UGT1A7: variants seen among roughly 807,000 people sequenced by gnomAD.
UGT1A7 encodes the protein UDP-glucuronosyltransferase 1A7.
UGT1A7 carries 33 observed loss-of-function variants against 45.6 expected under a neutral mutation model. The ratio of observed to expected loss-of-function variants is 0.72; its 90% CI spans 0.55 to 0.97. The LOEUF (loss-of-function observed/expected upper bound fraction) is 0.97, where lower values mean the gene tolerates loss of function less well. Among genes scored for constraint, UGT1A7 ranks in the 50% least tolerant of loss-of-function variants. The pLI, the probability that UGT1A7 is intolerant of heterozygous loss-of-function variation, is 0.00. For synonymous variants in UGT1A7, 274 were observed against 250.6 expected, an observed-to-expected ratio of 1.09 and a Z score of -0.88; for missense variants, 684 against 666.2, an observed-to-expected ratio of 1.03 and a Z score of -0.29.
chr2:233,708,992 T>C (rs1297218412), intron 1 of UGT1A7, among the ~76,000 whole-genome samples: 1 of 152,200 alleles, frequency 6.6e-6, no homozygotes, highest in African/African-American at 2.4e-5. Context: ...GGCCGTGGCA[T>C]CCTTCTCAGT....
chr2:233,768,508 A>G (rs1699630858), intron 4 of UGT1A7, 69 bp downstream of exon 4: 1 of 1,557,694 alleles, frequency 6.4e-7, no homozygotes, highest in South Asian at 1.2e-5. Flanking sequence ...AAATATGAAA[A>G]CATTTACGTA....
chr2:233,764,521 T>A (rs2126010678), intron 1 of UGT1A7, among the ~76,000 whole-genome samples: 1 of 152,314 alleles, frequency 6.6e-6, no homozygotes, highest in African/African-American at 2.4e-5. Context: ...GTGAATCACA[T>A]CCTGCTGATT....
At chr2:233,722,845 C>CTT (rs61550889) in intron 1 of UGT1A7, among the ~76,000 whole-genome samples, 2,212 of 135,308 alleles carry the variant, frequency 0.016, 155 homozygotes, top group African/African-American at 0.055. Context: ...AAGAATGTTT[C>CTT]TTTTTTTTTT....
At position 233,747,493 on chromosome 2, in the gene UGT1A7, T is replaced by G; in HGVS notation, c.856-19541T>G. 3.1e-6 allele frequency: 5 copies of G among 1,608,784 alleles called. No individual in the cohort carries two copies. In the South Asian group the frequency reaches 3.3e-5, roughly 11 times the overall value. The stretch of plus-strand genomic sequence containing the variant: ...CAGGATGAATTTGATCGCCTTGTGC[T>G]GGGCCACACTCAACTGTACTTTGAA... On this transcript the variant is annotated intron_variant, in intron 1 of 4. Coordinates refer to ENST00000373426, the MANE Select transcript of UGT1A7 (RefSeq NM_019077.3).
At chr2:233,704,256 CT>C (rs59925871) in intron 1 of UGT1A7, among the ~76,000 whole-genome samples, 3,570 of 123,594 alleles carry the variant, frequency 0.029, 58 homozygotes, top group South Asian at 0.052. Context: ...GCCTTTATTG[CT>C]TTTTTTTTTT....
At chr2:233,730,117 G>A (rs1389135246) in intron 1 of UGT1A7, 17 of 1,556,656 alleles carry the variant, frequency 1.1e-5, no homozygotes, top group Non-Finnish European at 1.5e-5. Context: ...GCTTCTCCTT[G>A]TCATAATAGC....
At chr2:233,733,540 G>A (rs1459592747) in intron 1 of UGT1A7, among the ~76,000 whole-genome samples, 2 of 152,164 alleles carry the variant, frequency 1.3e-5, no homozygotes, top group Non-Finnish European at 2.9e-5. Flanking sequence ...TTTGTTGAAG[G>A]CCTTTTCTGC....
In UGT1A7 at chr2:233,769,485, G is replaced by A; in HGVS notation, c.1295+1046G>A. On this transcript the variant is annotated intron_variant, in intron 4 of 4. Coordinates refer to ENST00000373426, the MANE Select transcript of UGT1A7 (RefSeq NM_019077.3). This position sits in a 1 kb window ranked among gnomAD's most constrained non-coding sequence, Gnocchi z 4.4. ...TATGCGTGTGTGTGTGTGTGCGTGTGTTTATGAGAGTGTCCATTGCTTTCT... is the reference window on the plus strand; with the variant it reads ...TATGCGTGTGTGTGTGTGTGCGTGTATTTATGAGAGTGTCCATTGCTTTCT... 6.2e-7 allele frequency: 1 copy of A among 1,612,612 alleles called. No individual in the cohort carries two copies. Among genetic ancestry groups the A allele is most frequent in the Non-Finnish European group, 8.5e-7 (1 of 1,179,716 alleles).
chr2:233,725,261 AGAG>A lies in UGT1A7; in HGVS notation c.856-41768_856-41766del, dbSNP rs754749858. 7.0e-4 allele frequency among the ~76,000 whole-genome samples: 22 copies of A among 31,252 alleles called. 3 individuals carry two copies. The highest frequency in any genetic ancestry group is 4.3e-3 in the African/African-American group (20 of 4,634). The allele number at this position is 31,252 out of a possible 152,430, so 20.5% of individuals were successfully genotyped here. A position where few individuals can be genotyped will look rare whatever the true frequency, so the allele number is the denominator to read the frequency against. ...AGGCAGAGGCAGAGGAGGCAGAGGC[AGAG>A]GAGGCAGAGGCAGAGGCAGAGGCAG... On this transcript the variant is annotated intron_variant, in intron 1 of 4. Transcript: ENST00000373426.
At chr2:233,713,978 A>G in intron 1 of UGT1A7, 1 of 1,594,024 alleles carries the variant, frequency 6.3e-7, no homozygotes, top group Non-Finnish European at 8.5e-7. Flanking sequence ...TCTGCTTCTC[A>G]TTGTTGTAAT....
intron 1 of UGT1A7, chr2:233,755,026 G>A (rs776900288): frequency 1.5e-6 from 2 of 1,306,986 alleles, no homozygotes; most frequent in Non-Finnish European, 2.1e-6. Context: ...TCCTTGAAGG[G>A]CCTGCCGCCT....
Position 233,734,360 on chromosome 2 carries a change from C to A in UGT1A7, c.856-32674C>A, listed in dbSNP as rs565800937. 2.0e-5 allele frequency among the ~76,000 whole-genome samples: 3 copies of A among 152,192 alleles called. No homozygotes were observed. The East Asian group carries it at 5.8e-4, about 29-fold the overall frequency. On this transcript the variant is annotated intron_variant, in intron 1 of 4. Transcript: ENST00000373426. ...ATGGTAGTTTGTATTTCTGTGGGAT[C>A]GGTGGTGATATTGCCTTTACTATTT...
At chr2:233,721,562 G>C (rs1409521853) in intron 1 of UGT1A7, 1 of 161,154 alleles carries the variant, frequency 6.2e-6, no homozygotes, top group Non-Finnish European at 1.4e-5. Context: ...GTTTCTTCTG[G>C]GATATCTTTT....
At chr2:233,744,461 A>T (rs6741543) in intron 1 of UGT1A7, among the ~76,000 whole-genome samples, 5,148 of 151,990 alleles carry the variant, frequency 0.034, 162 homozygotes, top group African/African-American at 0.052. Context: ...ATTAAAACAG[A>T]ATTAAAAAGA....
At chr2:233,772,229 T>C in intron 4 of UGT1A7, 33 bp from the exon 5 acceptor site, 1 of 1,613,724 alleles carries the variant, frequency 6.2e-7, no homozygotes, top group Non-Finnish European at 8.5e-7. Context: ...ACCACAGGTG[T>C]TCCAGGCATA....
chr2:233,762,498 T>G (rs1698092271), intron 1 of UGT1A7, among the ~76,000 whole-genome samples: 1 of 152,236 alleles, frequency 6.6e-6, no homozygotes, highest in African/African-American at 2.4e-5. Flanking sequence ...TGCTATTACT[T>G]TTTAAACTAT....
intron 1 of UGT1A7, among the ~76,000 whole-genome samples, chr2:233,715,966 CTGAT>C (rs1167313224): frequency 2.0e-5 from 3 of 152,178 alleles, no homozygotes; most frequent in African/African-American, 7.2e-5. Flanking sequence ...GACTGATTGA[CTGAT>C]TGATTGATTT....
At chr2:233,731,284 C>CTTTTTTTTTTT (rs78127606) in intron 1 of UGT1A7, among the ~76,000 whole-genome samples, 1 of 139,762 alleles carries the variant, frequency 7.2e-6, no homozygotes. Flanking sequence ...GTTTTTCTTT[C>CTTTTTTTTTTT]TTTTTTTTTT....
At chr2:233,743,990 C>G (rs541433916) in intron 1 of UGT1A7, 2 of 1,267,322 alleles carry the variant, frequency 1.6e-6, no homozygotes, top group South Asian at 2.6e-5. Context: ...GGCGCAGGCC[C>G]GAGTGCTCGG....
Sources: gnomAD v4.1 joint callset for allele counts (sites outside exome capture counted in the v4.1 genomes callset) on GRCh38, gnomAD v4.1.1 for gene constraint, Gnocchi (gnomAD v3.1) non-coding constraint, MANE v1.5 for transcripts, NCBI Gene and HGNC (gene_info 2026-07-23, HGNC 2026-07-21) for gene names.